Variants in SEMA3E observed in about 807,000 individuals in gnomAD.
SEMA3E encodes the protein semaphorin-3E.
In SEMA3E, 49 loss-of-function variants were observed where a neutral mutation model predicts 93.6. The observed-to-expected ratio is 0.52, with a 90% CI of 0.42 to 0.66. The LOEUF is 0.66. SEMA3E is among the 30% of genes least tolerant of loss of function. SEMA3E has a pLI of 0.00. For synonymous variants in SEMA3E, 363 were observed against 330.7 expected, an observed-to-expected ratio of 1.10 and a Z score of -1.06; for missense variants, 906 against 964.8, an observed-to-expected ratio of 0.94 and a Z score of 0.81.
intron 4 of SEMA3E, 80 bp downstream of exon 4, chr7:83,466,402 A>T: frequency 2.6e-6 from 4 of 1,519,264 alleles, no homozygotes; most frequent in Non-Finnish European, 3.6e-6. Context: ...TTTCTTGGGA[A>T]GAAATGCTGT....
chr7:83,485,637 C>T (rs1790235379), intron 2 of SEMA3E, among the ~76,000 whole-genome samples: 1 of 151,758 alleles, frequency 6.6e-6, no homozygotes, highest in Admixed American at 6.6e-5. Context: ...ACATAATATA[C>T]TGTGTAGGAA....
At chr7:83,407,062 G>A in intron 7 of SEMA3E, 35 bp downstream of exon 7, 2 of 1,611,880 alleles carry the variant, frequency 1.2e-6, no homozygotes, top group Non-Finnish European at 1.7e-6. Context: ...CATAAATTGT[G>A]AGATAAGCAA....
chr7:83,467,064 T>G (rs1175999859), intron 3 of SEMA3E, among the ~76,000 whole-genome samples: 1 of 49,286 alleles, frequency 2.0e-5, no homozygotes, highest in African/African-American at 4.3e-5. Context: ...AGTCTTTTTT[T>G]TTTTTTTTTT....
chr7:83,571,397 T>C (rs1792283930), intron 1 of SEMA3E, among the ~76,000 whole-genome samples: 1 of 152,226 alleles, frequency 6.6e-6, no homozygotes. Flanking sequence ...GCTTTATTCC[T>C]GGGATACAAG....
chr7:83,591,049 G>T (rs1211605874), intron 1 of SEMA3E, among the ~76,000 whole-genome samples: 3 of 134,788 alleles, frequency 2.2e-5, no homozygotes, highest in African/African-American at 2.8e-5. Flanking sequence ...TTAATTTTCT[G>T]TTAATTTATT....
rs1219579985 is a variant in SEMA3E, at chr7:83,404,786, T to A, written c.998+664A>T. 2.0e-5 allele frequency among the ~76,000 whole-genome samples: 3 copies of A among 151,804 alleles called. No individual in the cohort carries two copies. The East Asian group carries it at 5.8e-4, about 29-fold the overall frequency. On this transcript the variant is annotated intron_variant, in intron 9 of 16. Coordinates refer to ENST00000643230, the MANE Select transcript of SEMA3E (RefSeq NM_012431.3). ...GAGCAGGAAAATCAGAATGAAAGAG[T>A]GAGAAGAGTGTTCTATGATTATGAA...
intron 4 of SEMA3E, among the ~76,000 whole-genome samples, chr7:83,441,181 C>T (rs376883086): frequency 2.0e-5 from 3 of 152,156 alleles, no homozygotes; most frequent in African/African-American, 7.2e-5. Flanking sequence ...TTTATGGATA[C>T]AGCCAAAAGG....
chr7:83,450,212 TA>T (rs1211882037), intron 4 of SEMA3E, among the ~76,000 whole-genome samples: 1 of 152,178 alleles, frequency 6.6e-6, no homozygotes, highest in Non-Finnish European at 1.5e-5. Flanking sequence ...GGTTTAGCAG[TA>T]TTTACTAAAG....
intron 1 of SEMA3E, among the ~76,000 whole-genome samples, chr7:83,564,947 A>G (rs1029069420): frequency 6.6e-6 from 1 of 152,208 alleles, no homozygotes; most frequent in Non-Finnish European, 1.5e-5. Context: ...GTAGACCACT[A>G]GCCAGACTAA....
rs1454749959 is a variant in SEMA3E at position 83,405,159 on chromosome 7, A to C, written c.998+291T>G. Among the ~76,000 whole-genome samples the C allele has an allele frequency of 2.0e-5, 3 of 151,394 alleles. No individual in the cohort carries two copies. The South Asian group carries it at 6.3e-4, about 32-fold the overall frequency. On this transcript the variant is annotated intron_variant, in intron 9 of 16. Transcript: ENST00000643230. ...ACTGATATCTTACAAACTGTATGTG[A>C]AAAAAAAATCACTGTGTTCTAGATT...
chr7:83,639,589 A>T (rs947406766), intron 1 of SEMA3E, among the ~76,000 whole-genome samples: 4 of 151,564 alleles, frequency 2.6e-5, no homozygotes, highest in African/African-American at 9.7e-5. Context: ...AAATATATTT[A>T]AAAACAATTA....
intron 1 of SEMA3E, among the ~76,000 whole-genome samples, chr7:83,582,707 A>T (rs1157821831): frequency 6.6e-6 from 1 of 152,132 alleles, no homozygotes; most frequent in East Asian, 1.9e-4. Flanking sequence ...TATAGGAATT[A>T]TGGCTAATCT....
At chr7:83,598,267 A>G (rs1299957223) in intron 1 of SEMA3E, among the ~76,000 whole-genome samples, 1 of 152,132 alleles carries the variant, frequency 6.6e-6, no homozygotes, top group African/African-American at 2.4e-5. Context: ...AAGATCTTGG[A>G]GCTAGCATTA....
At chr7:83,617,163 T>C (rs1305058939) in intron 1 of SEMA3E, among the ~76,000 whole-genome samples, 3 of 152,034 alleles carry the variant, frequency 2.0e-5, no homozygotes, top group Non-Finnish European at 1.5e-5. Context: ...AAATGTTTTG[T>C]AGCCCACAAA....
chr7:83,375,467 C>T lies in SEMA3E; in HGVS notation c.1876-7429G>A, dbSNP rs116658127. 2.8e-3 allele frequency among the ~76,000 whole-genome samples: 428 copies of T among 152,102 alleles called. 2 individuals carry two copies. Among genetic ancestry groups the T allele is most frequent in the African/African-American group, 8.5e-3 (351 of 41,524 alleles). On this transcript the variant is annotated intron_variant, in intron 16 of 16. Transcript: ENST00000643230. ...GCCTGATAATAGTTCAATATTATAG[C>T]TATTCTGTAGAGTTAAAACAATGTA...
At chr7:83,562,410 A>C (rs1792047752) in intron 1 of SEMA3E, among the ~76,000 whole-genome samples, 1 of 152,028 alleles carries the variant, frequency 6.6e-6, no homozygotes. Flanking sequence ...AATCCCAGAT[A>C]TACTTTCAGG....
intron 5 of SEMA3E, among the ~76,000 whole-genome samples, chr7:83,411,685 A>G (rs1451635710): frequency 6.6e-6 from 1 of 152,252 alleles, no homozygotes; most frequent in East Asian, 1.9e-4. Context: ...ATAGTCTCTA[A>G]TTAAATTTAT....
At chr7:83,387,842 A>AG (rs1416320147) in intron 14 of SEMA3E, among the ~76,000 whole-genome samples, 1 of 113,378 alleles carries the variant, frequency 8.8e-6, no homozygotes, top group African/African-American at 3.2e-5. Flanking sequence ...ATATAACGTT[A>AG]TATATATGTT....
chr7:83,481,627 A>G (rs926353320), intron 2 of SEMA3E, among the ~76,000 whole-genome samples: 2 of 152,156 alleles, frequency 1.3e-5, no homozygotes, highest in African/African-American at 4.8e-5. Flanking sequence ...GAGTTTTGCA[A>G]TTTATAGTGA....
Sources: allele counts gnomAD v4.1 joint callset (sites outside exome capture counted in the v4.1 genomes callset), GRCh38; gene constraint gnomAD v4.1.1; transcripts MANE v1.5; gene names NCBI Gene and HGNC (gene_info 2026-07-23, HGNC 2026-07-21).